The following TNFAIP3 variants were observed in gnomAD, a reference collection of about 807,000 sequenced individuals.
The protein encoded by TNFAIP3 is TNF alpha induced protein 3.
TNFAIP3 carries 9 observed loss-of-function variants against 72.4 expected under a neutral mutation model. The observed-to-expected ratio is 0.12, with a 90% CI of 0.07 to 0.22. TNFAIP3 has a LOEUF of 0.22. Ranked by LOEUF, TNFAIP3 falls within the 10% of genes least tolerant of loss-of-function variation. The pLI, the probability that TNFAIP3 is intolerant of heterozygous loss-of-function variation, is 1.00. For synonymous variants in TNFAIP3, 339 were observed against 372.6 expected (o/e 0.91, Z 1.04); for missense variants, 833 against 1,018.7 (o/e 0.82, Z 2.48).
At position 137,878,863 on chromosome 6, in the gene TNFAIP3, C is replaced by T; in HGVS notation, c.1418C>T (p.Thr473Ile). Residue 473 changes from threonine (T) to isoleucine (I), a missense_variant, in exon 7 of 9, where the codon ACC becomes ATC. Around this residue, in one of 2 missense-constraint regions of TNFAIP3, gnomAD observed 587 missense variants for 657.8 expected, o/e 0.89. Coordinates refer to ENST00000612899, the MANE Select transcript of TNFAIP3 (RefSeq NM_001270508.2). The part of the protein sequence containing the change: ...TAPSPFLFSE[T>I]TAMKCRSPGC... ...CCCAGCCCTTTTCTGTTCAGTGAGA[C>T]CACTGCCATGAAGTGCAGGAGCCCC... 1 of 1,614,194 alleles carries T rather than the reference C, an allele frequency of 6.2e-7. No homozygotes were observed. Among genetic ancestry groups the T allele is most frequent in the Non-Finnish European group, 8.5e-7 (1 of 1,180,038 alleles).
chr6:137,873,420 A>G (rs923966060), intron 2 of TNFAIP3, among the ~76,000 whole-genome samples: 1 of 152,186 alleles, frequency 6.6e-6, no homozygotes, highest in Admixed American at 6.5e-5. Flanking sequence ...TCACTTGTAT[A>G]ATGAGTAGCC....
intron 5 of TNFAIP3, 39 bp from the exon 6 acceptor site, chr6:137,877,037 T>A (rs1342643247): frequency 6.7e-7 from 1 of 1,483,722 alleles, no homozygotes; most frequent in East Asian, 2.3e-5. Context: ...CCTTGTTTAG[T>A]AGAATACTGT....
intron 8 of TNFAIP3, 64 bp downstream of exon 8, chr6:137,880,316 T>C: frequency 1.9e-6 from 3 of 1,563,268 alleles, no homozygotes; most frequent in East Asian, 2.2e-5. Context: ...TGGAGCGTTT[T>C]CTACCGACAG....
intron 7 of TNFAIP3, 101 bp from the exon 8 acceptor site, chr6:137,879,970 C>G: frequency 1.1e-6 from 1 of 951,406 alleles, no homozygotes; most frequent in Admixed American, 2.5e-5. Flanking sequence ...TTAAGGCTGG[C>G]CTAATCTGTA....
rs1185609789 is a variant in TNFAIP3, at chr6:137,877,070, C to T, written c.806-6C>T. On this transcript the variant is annotated splice_polypyrimidine_tract_variant and splice_region_variant and intron_variant, in intron 5 of 8. Coordinates refer to ENST00000612899, the MANE Select transcript of TNFAIP3 (RefSeq NM_001270508.2). ...TGTTTTACTTATGTATTATTTTTTT[C>T]CTTAGAAATCCGAGCTGTTCCACTT... 1.3e-6 allele frequency: 2 copies of T among 1,570,764 alleles called. No individual in the cohort carries two copies. Among genetic ancestry groups the T allele is most frequent in the South Asian group, 1.2e-5 (1 of 84,930 alleles).
intron 6 of TNFAIP3, 103 bp from the exon 7 acceptor site, chr6:137,878,329 G>C: frequency 9.7e-7 from 1 of 1,027,240 alleles, no homozygotes; most frequent in East Asian, 2.6e-5. Context: ...TACAATTCTT[G>C]CCATAATCCA....
chr6:137,870,346 C>T (rs1248347652), intron 1 of TNFAIP3, among the ~76,000 whole-genome samples: 5 of 152,186 alleles, frequency 3.3e-5, no homozygotes, highest in Non-Finnish European at 7.3e-5. Context: ...TAGTCTCAAA[C>T]TCCTGAGCTT....
At chr6:137,873,756 C>G (rs557315361) in intron 2 of TNFAIP3, among the ~76,000 whole-genome samples, 18 of 152,296 alleles carry the variant, frequency 1.2e-4, no homozygotes, top group Admixed American at 3.9e-4. Context: ...TGTTTGAATA[C>G]TTAGCTAGTT....
chr6:137,875,094 CT>C, intron 3 of TNFAIP3, 59 bp downstream of exon 3: 3 of 1,590,384 alleles, frequency 1.9e-6, no homozygotes, highest in Non-Finnish European at 1.7e-6. Flanking sequence ...TAGGGTACCC[CT>C]GGGCGAGTCC....
chr6:137,877,243 A>T lies in TNFAIP3; in HGVS notation c.973A>T (p.Ile325Phe). 6.2e-7 allele frequency: 1 copy of T among 1,607,592 alleles called. No homozygotes were observed. Among genetic ancestry groups the T allele is most frequent in the Non-Finnish European group, 8.5e-7 (1 of 1,177,136 alleles). ...QGWDHGTTHL[I>F]NAAKLDEANL... ...CTGGGACCATGGCACAACTCATCTC[A>T]TCAATGCCGCAAAGTAAGCAGTTTA... is the stretch of plus-strand genomic sequence containing the variant. Residue 325 changes from isoleucine to phenylalanine, a missense_variant, in exon 6 of 9, where the codon ATC becomes TTC. Transcript: ENST00000612899.
rs1161231009 is a variant in TNFAIP3 at position 137,871,090 on chromosome 6, C to T, written c.-15-123C>T. 1 of 852,718 alleles carries T rather than the reference C, an allele frequency of 1.2e-6. No homozygotes were observed. Among genetic ancestry groups the T allele is most frequent in the African/African-American group, 1.7e-5 (1 of 58,652 alleles). 52.8% of individuals were successfully genotyped at this position (852,718 alleles called of 1,614,324 possible). ...ATCCCGGGAGTAGAGGTGCTAAGAT[C>T]TTTTGCCTACAGATCAGGGTAATGA... On this transcript the variant is annotated intron_variant, in intron 1 of 8. Transcript: ENST00000612899. The surrounding 1 kb of genome is among the most constrained non-coding windows in gnomAD (Gnocchi z 4.2).
intron 7 of TNFAIP3, among the ~76,000 whole-genome samples, chr6:137,879,867 T>C (rs901103033): frequency 2.6e-5 from 4 of 152,210 alleles, no homozygotes; most frequent in East Asian, 3.8e-4. Flanking sequence ...AAATGAGAGA[T>C]TGGTAAAGCC....
rs748602978 is a variant in TNFAIP3 at position 137,878,797 on chromosome 6, A to T, written c.1352A>T (p.Glu451Val). ...EAYEPLAWNP[E>V]ESTGGPHSAP... ...TATGAGCCCTTGGCGTGGAACCCTG[A>T]GGAGTCCACTGGGGGGCCTCATTCG... The change falls in exon 7 of 9, where the codon GAG (glutamate) becomes GTG (valine). Residue 451 changes from glutamate (E) to valine (V), a missense_variant. This residue lies in a region of TNFAIP3 where 587 missense variants were observed against 657.8 expected (regional missense o/e 0.89). Transcript: ENST00000612899. 1.1e-5 allele frequency: 18 copies of T among 1,613,948 alleles called. No homozygotes were observed. The highest frequency in any genetic ancestry group is 1.5e-5 in the Non-Finnish European group (18 of 1,180,030).
At position 137,882,882 on chromosome 6, in the gene TNFAIP3, G is replaced by A; in HGVS notation, c.*1563G>A. On this transcript the variant is annotated 3_prime_UTR_variant, in exon 9 of 9. Transcript: ENST00000612899. ...GCTCTAGAAGAAAAAAAAAAAAGGA[G>A]GGGAAATGCATTTTCCCCAGAGATA... The A allele has an allele frequency of 4.4e-6, 1 of 228,260 alleles. No homozygotes were observed. Among genetic ancestry groups the A allele is most frequent in the Non-Finnish European group, 8.7e-6 (1 of 115,048 alleles). 14.1% of individuals were successfully genotyped at this position (228,260 alleles called of 1,614,324 possible).
At chr6:137,874,403 C>G (rs1436975838) in intron 2 of TNFAIP3, among the ~76,000 whole-genome samples, 3 of 152,138 alleles carry the variant, frequency 2.0e-5, no homozygotes, top group African/African-American at 7.2e-5. Context: ...TGCATGTTGC[C>G]CTGTGTGCTC....
At position 137,876,019 on chromosome 6, in the gene TNFAIP3, T is replaced by A; in HGVS notation, c.658T>A (p.Ser220Thr). 1 of 1,613,604 alleles carries A rather than the reference T, an allele frequency of 6.2e-7. No homozygotes were observed. The highest frequency in any genetic ancestry group is 8.5e-7 in the Non-Finnish European group (1 of 1,179,828). ...ISDKMLRSLE[S>T]GSNFAPLKVG... ...AGACAAAATGCTAAGAAGTTTGGAA[T>A]CAGGTTCCAATTTCGCCCCTTTGAA... Residue 220 changes from serine to threonine, a missense_variant, in exon 5 of 9, where the codon TCA becomes ACA. This residue lies in a region of TNFAIP3 where 246 missense variants were observed against 360.9 expected (regional missense o/e 0.68). Transcript: ENST00000612899.
Position 137,880,148 on chromosome 6 carries a change from T to TG in TNFAIP3, c.1985dup (p.Cys662TrpfsTer10), listed in dbSNP as rs1776398351. 6.2e-7 allele frequency: 1 copy of TG among 1,614,054 alleles called. No individual in the cohort carries two copies. Among genetic ancestry groups the TG allele is most frequent in the Non-Finnish European group, 8.5e-7 (1 of 1,180,040 alleles). On this transcript the variant is annotated frameshift_variant, in exon 8 of 9. Transcript: ENST00000612899. LOFTEE classifies it high-confidence loss of function. ...CACCATTCCGTGCCTGGGGAGGGAA[T>TG]GCGGCACCCTTGGAAGCACCATGTT...
Position 137,882,672 on chromosome 6 carries a change from A to C in TNFAIP3, c.*1353A>C. 1 of 232,970 alleles carries C rather than the reference A, an allele frequency of 4.3e-6. No homozygotes were observed. Among genetic ancestry groups the C allele is most frequent in the Non-Finnish European group, 8.5e-6 (1 of 117,774 alleles). The allele number at this position is 232,970 out of a possible 1,614,324, so 14.4% of individuals were successfully genotyped here. A position where few individuals can be genotyped will look rare whatever the true frequency, so the allele number is the denominator to read the frequency against. ...AGACTGGCAATGGTCACAGGGAAAG[A>C]TGTGGCCTTTTGTGATGGTTTTATT... On this transcript the variant is annotated 3_prime_UTR_variant, in exon 9 of 9. Coordinates refer to ENST00000612899, the MANE Select transcript of TNFAIP3 (RefSeq NM_001270508.2).
intron 3 of TNFAIP3, 129 bp from the exon 4 acceptor site, chr6:137,875,559 G>T (rs1396289218): frequency 3.8e-5 from 45 of 1,185,074 alleles, no homozygotes; most frequent in Non-Finnish European, 5.1e-5. Flanking sequence ...TTTGAATGAT[G>T]GTTTCATGAA....
Sources: gnomAD v4.1 joint callset for allele counts (sites outside exome capture counted in the v4.1 genomes callset) on GRCh38, gnomAD v4.1.1 for gene constraint, gnomAD v4.1.1 regional missense constraint, Gnocchi (gnomAD v3.1) non-coding constraint, MANE v1.5 for transcripts, NCBI Gene and HGNC (gene_info 2026-07-23, HGNC 2026-07-21) for gene names.